The following PLEKHH2 variants were observed in gnomAD, a reference collection of about 807,000 sequenced individuals.
PLEKHH2 encodes pleckstrin homology, MyTH4 and FERM domain containing H2.
PLEKHH2 carries 129 observed loss-of-function variants against 187.9 expected under a neutral mutation model. The ratio of observed to expected loss-of-function variants is 0.69; its 90% CI spans 0.59 to 0.79. The LOEUF (loss-of-function observed/expected upper bound fraction) is 0.79. Among genes scored for constraint, PLEKHH2 ranks in the 30% least tolerant of loss-of-function variants. The pLI is 0.00. For missense variants in PLEKHH2, 2,076 were observed against 1,751.2 expected (o/e 1.19, Z -3.31); for synonymous variants, 686 against 605.6 (o/e 1.13, Z -1.95).
chr2:43,765,344 C>T, intron 29 of PLEKHH2, 69 bp from the exon 30 acceptor site: 1 of 1,493,170 alleles, frequency 6.7e-7, no homozygotes, highest in Non-Finnish European at 9.1e-7. Flanking sequence ...CTGTGGCCAA[C>T]ACTTTACTCT....
At chr2:43,652,106 A>C (rs75292495) in intron 2 of PLEKHH2, among the ~76,000 whole-genome samples, 18 of 152,152 alleles carry the variant, frequency 1.2e-4, no homozygotes, top group Non-Finnish European at 2.2e-4. Flanking sequence ...GAGGTCATAG[A>C]TGCCATAGCT....
rs1015682530 is a variant in PLEKHH2 at position 43,765,788 on chromosome 2, C to A, written c.*190C>A. ...AAATATTAACAGTAAAACATAAACACAAAATTTGCCAACACACTAATTTTC... is the reference window on the plus strand; with the variant it reads ...AAATATTAACAGTAAAACATAAACAAAAAATTTGCCAACACACTAATTTTC... On this transcript the variant is annotated 3_prime_UTR_variant, in exon 30 of 30. Transcript: ENST00000282406. 2.2e-5 allele frequency: 11 copies of A among 499,318 alleles called. No homozygotes were observed. Among genetic ancestry groups the A allele is most frequent in the Non-Finnish European group, 3.6e-5 (11 of 303,718 alleles). The allele number at this position is 499,318 out of a possible 1,614,324, so 30.9% of individuals were successfully genotyped here.
intron 1 of PLEKHH2, among the ~76,000 whole-genome samples, chr2:43,643,886 C>A (rs970738169): frequency 6.6e-6 from 1 of 152,148 alleles, no homozygotes; most frequent in Non-Finnish European, 1.5e-5. Context: ...AATTCCCTTG[C>A]ATCTTGTCCT....
Position 43,757,169 on chromosome 2 carries a change from T to A in PLEKHH2, c.3846T>A (p.Val1282=). 6.2e-7 allele frequency: 1 copy of A among 1,602,822 alleles called. No individual in the cohort carries two copies. Among genetic ancestry groups the A allele is most frequent in the Non-Finnish European group, 8.5e-7 (1 of 1,175,516 alleles). ...CTTTCTCAACTCCAGCAGGGCATGT[T>A]ACCAATCAGTGCAAAGTGAATCAAA... The part of the protein sequence containing the change: ...ERPFSTPAGH[V]TNQCKVNQTL... The change falls in exon 26 of 30, where the codon GTT becomes GTA. Residue 1282 remains valine (V), a synonymous_variant. Coordinates refer to ENST00000282406, the MANE Select transcript of PLEKHH2 (RefSeq NM_172069.4).
intron 19 of PLEKHH2, 71 bp from the exon 20 acceptor site, chr2:43,738,269 AT>A (rs1671392342): frequency 8.0e-7 from 1 of 1,253,822 alleles, no homozygotes; most frequent in Non-Finnish European, 1.1e-6. Flanking sequence ...CTGAAAAGAT[AT>A]TCGATATAAT....
At chr2:43,666,079 G>T (rs1313188364) in intron 2 of PLEKHH2, among the ~76,000 whole-genome samples, 1 of 149,740 alleles carries the variant, frequency 6.7e-6, no homozygotes, top group Non-Finnish European at 1.5e-5. Context: ...CAGCCTTGCT[G>T]CCGCCTTGCA....
intron 6 of PLEKHH2, among the ~76,000 whole-genome samples, chr2:43,695,759 T>C (rs1444079679): frequency 1.3e-5 from 2 of 152,158 alleles, no homozygotes; most frequent in Admixed American, 1.3e-4. Context: ...AGACATGCAC[T>C]CCAGAAGTCC....
At position 43,649,933 on chromosome 2, in the gene PLEKHH2, C is replaced by T. The variant is rs192043039; in HGVS notation, c.123+5137C>T. Among the ~76,000 whole-genome samples, 4 of 152,214 alleles carry T rather than the reference C, an allele frequency of 2.6e-5. No individual in the cohort carries two copies. The East Asian group carries it at 7.7e-4, about 29-fold the overall frequency. ...ACAATCCCTTTAACAATGAGAGGCT[C>T]TGTAAGTATACAGGCTCAGTGGCAA... is the stretch of plus-strand genomic sequence containing the variant. On this transcript the variant is annotated intron_variant, in intron 2 of 29. Transcript: ENST00000282406.
intron 16 of PLEKHH2, among the ~76,000 whole-genome samples, chr2:43,722,272 A>G (rs1005763559): frequency 3.4e-5 from 5 of 145,028 alleles, no homozygotes; most frequent in African/African-American, 1.3e-4. Flanking sequence ...AAAAAAAAAA[A>G]TGTTAATATA....
At chr2:43,736,615 C>G (rs1029178824) in intron 19 of PLEKHH2, among the ~76,000 whole-genome samples, 1 of 152,066 alleles carries the variant, frequency 6.6e-6, no homozygotes, top group African/African-American at 2.4e-5. Context: ...GGGTGTATCA[C>G]CTGAGATCAG....
rs112308595 is a variant in PLEKHH2, at chr2:43,724,382, A to G, written c.2542-1890A>G. 7.5e-3 allele frequency among the ~76,000 whole-genome samples: 1,137 copies of G among 152,310 alleles called. 18 individuals are homozygous for G. The highest frequency in any genetic ancestry group is 0.026 in the African/African-American group (1,077 of 41,570). The stretch of plus-strand genomic sequence containing the variant: ...TAGAATGAACTTTTTCAAAACTCCA[A>G]TTGCAAACTTGGCCAAATATTTTAG... On this transcript the variant is annotated intron_variant, in intron 16 of 29. Coordinates refer to ENST00000282406, the MANE Select transcript of PLEKHH2 (RefSeq NM_172069.4).
Position 43,743,988 on chromosome 2 carries a change from A to G in PLEKHH2, c.3554A>G (p.Lys1185Arg). 9 of 1,612,744 alleles carry G rather than the reference A, an allele frequency of 5.6e-6. No individual in the cohort carries two copies. Among genetic ancestry groups the G allele is most frequent in the Non-Finnish European group, 7.6e-6 (9 of 1,179,004 alleles). Residue 1185 changes from lysine to arginine, a missense_variant and splice_region_variant, in exon 23 of 30, where the codon AAG (lysine) becomes AGG (arginine). Physicochemically the swap from Lys to Arg is conservative, Grantham distance 26 (BLOSUM62 2). Transcript: ENST00000282406. ...DLEHCLQGNI[K>R]ICDIISKWEQ... Reference sequence around the variant, plus strand: ...GAGCATTGTCTTCAAGGAAACATCAAGGTGAAACCAAGTCCTTTTCAGGAG... The same window carrying G: ...GAGCATTGTCTTCAAGGAAACATCAGGGTGAAACCAAGTCCTTTTCAGGAG...
At chr2:43,763,299 C>T (rs1158140460) in intron 28 of PLEKHH2, among the ~76,000 whole-genome samples, 1 of 152,224 alleles carries the variant, frequency 6.6e-6, no homozygotes, top group Non-Finnish European at 1.5e-5. Flanking sequence ...GAAGCACACA[C>T]AGGTGGGTCT....
At position 43,697,875 on chromosome 2, in the gene PLEKHH2, A is replaced by G. The variant is rs140158050; in HGVS notation, c.688+519A>G. 5.7e-3 allele frequency among the ~76,000 whole-genome samples: 875 copies of G among 152,338 alleles called. 5 individuals carry two copies. Among genetic ancestry groups the G allele is most frequent in the Admixed American group, 0.012 (189 of 15,312 alleles). On this transcript the variant is annotated intron_variant, in intron 7 of 29. Transcript: ENST00000282406. ...TTGATTTTCCTTTAATCCTTCCAAG[A>G]GGAAAATGTTTTCCTAGATATTTAA...
chr2:43,679,069 A>G (rs1668027298), intron 3 of PLEKHH2, 144 bp downstream of exon 3: 1 of 491,166 alleles, frequency 2.0e-6, no homozygotes, highest in African/African-American at 2.0e-5. Context: ...AAGAAAATGG[A>G]GAATCTAACT....
At chr2:43,653,985 GT>G (rs755797951) in intron 2 of PLEKHH2, among the ~76,000 whole-genome samples, 3 of 152,202 alleles carry the variant, frequency 2.0e-5, no homozygotes, top group Non-Finnish European at 4.4e-5. Flanking sequence ...GAGATAGGAA[GT>G]GTATTTGTTT....
At chr2:43,676,185 A>G in intron 2 of PLEKHH2, 2 of 1,614,032 alleles carry the variant, frequency 1.2e-6, no homozygotes, top group Non-Finnish European at 8.5e-7. Context: ...TGTTAGGTGG[A>G]CGAAGGTGAT....
intron 2 of PLEKHH2, among the ~76,000 whole-genome samples, chr2:43,650,715 T>TA (rs1666425543): frequency 1.3e-5 from 2 of 151,684 alleles, no homozygotes; most frequent in South Asian, 4.2e-4. Context: ...GTACGATCTC[T>TA]ACTCACTGCA....
chr2:43,670,426 G>T (rs1038845741), intron 2 of PLEKHH2, among the ~76,000 whole-genome samples: 8 of 152,170 alleles, frequency 5.3e-5, no homozygotes, highest in African/African-American at 1.4e-4. Context: ...TGTAGTATGT[G>T]ATGGCTATAG....
Sources: gnomAD v4.1 joint callset for allele counts (sites outside exome capture counted in the v4.1 genomes callset) on GRCh38, gnomAD v4.1.1 for gene constraint, MANE v1.5 for transcripts, NCBI Gene and HGNC (gene_info 2026-07-23, HGNC 2026-07-21) for gene names.